Variants in IFT80 observed in about 807,000 individuals in gnomAD.
IFT80 encodes intraflagellar transport protein 80 homolog.
In IFT80, 79 loss-of-function variants were observed where a neutral mutation model predicts 107.9. The ratio of observed to expected loss-of-function variants is 0.73; its 90% confidence interval spans 0.61 to 0.88. The LOEUF is 0.88. IFT80 is among the 40% of genes least tolerant of loss of function. The pLI is 0.00. For missense variants in IFT80, 797 were observed against 914.2 expected (o/e 0.87, Z 1.65); for synonymous variants, 299 against 300.9 (o/e 0.99, Z 0.07).
chr3:160,275,099 C>G (rs1278821868), intron 18 of IFT80, among the ~76,000 whole-genome samples: 1 of 152,188 alleles, frequency 6.6e-6, no homozygotes, highest in African/African-American at 2.4e-5. Context: ...ATCTAAACTT[C>G]TGGAGTTGCT....
At chr3:160,273,441 C>T (rs995180111) in intron 18 of IFT80, among the ~76,000 whole-genome samples, 10 of 152,230 alleles carry the variant, frequency 6.6e-5, no homozygotes, top group Non-Finnish European at 1.2e-4. Flanking sequence ...AAACTTGGAT[C>T]AACTTACGTA....
intron 9 of IFT80, among the ~76,000 whole-genome samples, chr3:160,315,845 G>C (rs1366043693): frequency 6.6e-6 from 1 of 152,006 alleles, no homozygotes; most frequent in Non-Finnish European, 1.5e-5. Context: ...TTTTAGAAAG[G>C]GGATGGGTTT....
intron 1 of IFT80, among the ~76,000 whole-genome samples, chr3:160,390,608 T>C (rs372649852): frequency 1.2e-4 from 19 of 152,162 alleles, no homozygotes; most frequent in African/African-American, 4.1e-4. Context: ...TTGGAGATGG[T>C]AGAAACAGCT....
rs190990464 is a variant in IFT80, at chr3:160,300,994, G to A, written c.1204C>T (p.Arg402Cys). ...GGAAATTTTGGAGATGAAATAAAGCGCCCTTCATATGAATATAAATAGATA... is the reference window on the plus strand; with the variant it reads ...GGAAATTTTGGAGATGAAATAAAGCACCCTTCATATGAATATAAATAGATA... Reference protein sequence around the residue: ...SSIYLYSYEGRFISSPKFPGM... With the variant: ...SSIYLYSYEGCFISSPKFPGM... The change falls in exon 12 of 20, where the codon CGC (arginine) becomes TGC (cysteine). Residue 402 changes from arginine (R) to cysteine (C), a missense_variant. Physicochemically the swap from Arg to Cys is radical, Grantham distance 180. Coordinates refer to ENST00000326448, the MANE Select transcript of IFT80 (RefSeq NM_020800.3). The A allele has an allele frequency of 3.0e-5, 48 of 1,602,766 alleles. No individual in the cohort carries two copies. The highest frequency in any genetic ancestry group is 2.5e-4 in the African/African-American group (19 of 74,642).
At chr3:160,274,718 C>A (rs1442732222) in intron 18 of IFT80, 1 of 152,192 alleles carries the variant, frequency 6.6e-6, no homozygotes, top group East Asian at 1.9e-4. Flanking sequence ...GCAGGCAGAT[C>A]ACTTGAGGTC....
At chr3:160,375,345 G>T (rs1268094441) in intron 5 of IFT80, among the ~76,000 whole-genome samples, 2 of 152,022 alleles carry the variant, frequency 1.3e-5, no homozygotes, top group Non-Finnish European at 2.9e-5. Flanking sequence ...GATTCTTAGT[G>T]TGTCTGTTCC....
chr3:160,304,235 G>A (rs1304261946), intron 10 of IFT80, among the ~76,000 whole-genome samples: 2 of 152,144 alleles, frequency 1.3e-5, no homozygotes, highest in African/African-American at 4.8e-5. Flanking sequence ...AATGTTTACT[G>A]TAGGTATTAC....
intron 8 of IFT80, among the ~76,000 whole-genome samples, chr3:160,321,160 A>T (rs985626901): frequency 1.2e-4 from 18 of 151,954 alleles, no homozygotes; most frequent in Non-Finnish European, 2.4e-4. Flanking sequence ...AGAATCAATT[A>T]AAAAAATACA....
chr3:160,368,359 CAA>C (rs56031662), intron 5 of IFT80, among the ~76,000 whole-genome samples: 934 of 90,612 alleles, frequency 0.01, 6 homozygotes, highest in African/African-American at 0.032. Flanking sequence ...AGACCCAGTC[CAA>C]AAAAAAAAAA....
At chr3:160,359,756 A>C (rs570675834) in intron 6 of IFT80, among the ~76,000 whole-genome samples, 19 of 152,346 alleles carry the variant, frequency 1.2e-4, no homozygotes, top group African/African-American at 4.6e-4. Context: ...CCTGCAGTTG[A>C]GGGTCCTGAC....
At chr3:160,337,740 T>C (rs1719604794) in intron 8 of IFT80, among the ~76,000 whole-genome samples, 1 of 152,204 alleles carries the variant, frequency 6.6e-6, no homozygotes, top group African/African-American at 2.4e-5. Flanking sequence ...CAAAGTCTGA[T>C]GATGTTCTGA....
intron 8 of IFT80, among the ~76,000 whole-genome samples, chr3:160,351,555 A>ATG (rs1290020240): frequency 1.4e-5 from 2 of 143,280 alleles, no homozygotes; most frequent in Non-Finnish European, 3.1e-5. Context: ...CATATATTAT[A>ATG]TGTATATATA....
At chr3:160,375,381 T>C (rs75829496) in intron 5 of IFT80, among the ~76,000 whole-genome samples, 51 of 152,256 alleles carry the variant, frequency 3.3e-4, no homozygotes, top group Non-Finnish European at 6.0e-4. Context: ...AAATCAAACA[T>C]ACAACTTAAT....
At chr3:160,363,911 G>A (rs192181063) in intron 6 of IFT80, among the ~76,000 whole-genome samples, 172 of 152,276 alleles carry the variant, frequency 1.1e-3, no homozygotes, top group African/African-American at 4.0e-3. Context: ...AATCCTAGAA[G>A]AAAATCTAGG....
At chr3:160,261,854 A>T (rs774794720) in intron 19 of IFT80, among the ~76,000 whole-genome samples, 1 of 151,564 alleles carries the variant, frequency 6.6e-6, no homozygotes, top group African/African-American at 2.4e-5. Context: ...ACCCATGTGT[A>T]TATCTGGAGA....
intron 8 of IFT80, chr3:160,343,015 A>C (rs1720029720): frequency 6.6e-6 from 1 of 152,484 alleles, no homozygotes; most frequent in African/African-American, 2.4e-5. Flanking sequence ...CAAGGATTTA[A>C]GCTAATGAAA....
At chr3:160,344,180 G>A (rs1253396112) in intron 8 of IFT80, among the ~76,000 whole-genome samples, 1 of 151,990 alleles carries the variant, frequency 6.6e-6, no homozygotes, top group African/African-American at 2.4e-5. Context: ...GCATTTCTGG[G>A]GGTATGTACC....
At chr3:160,284,099 A>C (rs1714908289) in intron 13 of IFT80, among the ~76,000 whole-genome samples, 1 of 152,180 alleles carries the variant, frequency 6.6e-6, no homozygotes, top group African/African-American at 2.4e-5. Context: ...GTAAAATTTA[A>C]AAATCCTTTG....
At chr3:160,308,847 G>A (rs535055015) in intron 9 of IFT80, among the ~76,000 whole-genome samples, 1 of 152,262 alleles carries the variant, frequency 6.6e-6, no homozygotes, top group South Asian at 2.1e-4. Flanking sequence ...GCCTTTGGAA[G>A]GTTGTGAGCC....
Sources: gnomAD v4.1 joint callset for allele counts (sites outside exome capture counted in the v4.1 genomes callset) on GRCh38, gnomAD v4.1.1 for gene constraint, MANE v1.5 for transcripts, NCBI Gene and HGNC (gene_info 2026-07-23, HGNC 2026-07-21) for gene names.